The following TCF3 variants were observed in gnomAD, a reference collection of about 807,000 sequenced individuals.
TCF3 encodes transcription factor 3.
In TCF3, 54 loss-of-function variants were observed where a neutral mutation model predicts 72.3. The observed-to-expected ratio is 0.75, with a 90% CI of 0.60 to 0.94. The LOEUF (loss-of-function observed/expected upper bound fraction) is 0.94. Ranked by LOEUF, TCF3 falls within the 40% of genes least tolerant of loss-of-function variation. The probability of loss-of-function intolerance (pLI) is 0.00; values close to 1 mark genes in which losing one functional copy is unlikely to be tolerated. For missense variants in TCF3, 1,078 were observed against 934.4 expected, an observed-to-expected ratio of 1.15 and a Z score of -2.00; for synonymous variants, 525 against 412.6, an observed-to-expected ratio of 1.27 and a Z score of -3.30.
rs1355057011 is a variant in TCF3 at position 1,629,620 on chromosome 19, C to T, written c.299-2194G>A. On this transcript the variant is annotated intron_variant, in intron 5 of 18. Coordinates refer to ENST00000262965, the MANE Select transcript of TCF3 (RefSeq NM_003200.5). Reference sequence around the variant, plus strand: ...CAGTGTGGAGGGCCTGGGGCTGATGCGGTGACACCTGGATCCAGCCTTGCC... The same window carrying T: ...CAGTGTGGAGGGCCTGGGGCTGATGTGGTGACACCTGGATCCAGCCTTGCC... Among the ~76,000 whole-genome samples, 6 of 152,202 alleles carry T rather than the reference C, an allele frequency of 3.9e-5. No individual in the cohort carries two copies. In the East Asian group the frequency reaches 1.2e-3, roughly 29 times the overall value.
At chr19:1,631,995 C>T (rs1352366706) in intron 5 of TCF3, 43 bp downstream of exon 5, 2 of 1,600,518 alleles carry the variant, frequency 1.2e-6, no homozygotes, top group East Asian at 2.3e-5. Flanking sequence ...CACGTCTGCA[C>T]ATCTGTGCAC....
chr19:1,636,173 CT>C (rs1193259057), intron 3 of TCF3, among the ~76,000 whole-genome samples: 2 of 151,572 alleles, frequency 1.3e-5, no homozygotes, highest in Non-Finnish European at 2.9e-5. Context: ...TTTTTTTTTT[CT>C]TTTGCTTTGA....
intron 3 of TCF3, among the ~76,000 whole-genome samples, chr19:1,637,923 A>C (rs923780876): frequency 1.3e-5 from 2 of 152,142 alleles, no homozygotes; most frequent in African/African-American, 4.8e-5. Flanking sequence ...AAAAAAGAAA[A>C]AGAAAAAGAG....
intron 3 of TCF3, among the ~76,000 whole-genome samples, chr19:1,638,659 A>C (rs1321567437): frequency 6.6e-6 from 1 of 152,186 alleles, no homozygotes; most frequent in Non-Finnish European, 1.5e-5. Context: ...GGACGTTGAG[A>C]GCGCGAGAAA....
At chr19:1,635,317 G>T (rs1400976560) in intron 3 of TCF3, among the ~76,000 whole-genome samples, 1 of 152,196 alleles carries the variant, frequency 6.6e-6, no homozygotes. Flanking sequence ...CCCAGTCCCT[G>T]CAGCAGCTTC....
At chr19:1,632,688 C>A (rs560247292) in intron 3 of TCF3, among the ~76,000 whole-genome samples, 4 of 152,142 alleles carry the variant, frequency 2.6e-5, no homozygotes, top group South Asian at 4.1e-4. Context: ...AGCTTTCATA[C>A]CCTCCTTGGG....
At chr19:1,638,081 G>C (rs1441703132) in intron 3 of TCF3, among the ~76,000 whole-genome samples, 2 of 152,228 alleles carry the variant, frequency 1.3e-5, no homozygotes, top group Admixed American at 1.3e-4. Context: ...ATGGAATGAA[G>C]TAGACAGTGA....
intron 6 of TCF3, 150 bp downstream of exon 6, chr19:1,627,209 C>CA (rs2062992737): frequency 6.2e-6 from 3 of 480,400 alleles, no homozygotes; most frequent in South Asian, 2.2e-5. Context: ...CACACCCACC[C>CA]AGCCCACCCT....
Position 1,611,742 on chromosome 19 carries a change from G to C in TCF3, c.1930C>G (p.Leu644Val), listed in dbSNP as rs867262873. ...CCGGCGGGGTTGTGGGCTTCGCTCA[G>C]GCCTGGGTGGGGAGCTGAAAGCACC... ...QMVLSAPHPG[L>V]SEAHNPAGHM The change falls in exon 19 of 19, where the codon CTG (leucine) becomes GTG (valine). Residue 644 changes from leucine to valine, a missense_variant. By Grantham distance (32) the Leu-to-Val change is conservative. Transcript: ENST00000262965. 3 of 1,613,702 alleles carry C rather than the reference G, an allele frequency of 1.9e-6. No individual in the cohort carries two copies. In the African/African-American group the frequency reaches 4.0e-5, roughly 22 times the overall value.
intron 1 of TCF3, chr19:1,651,333 G>A (rs1411937483): frequency 4.4e-6 from 1 of 228,146 alleles, no homozygotes. Flanking sequence ...CCCAACTTCA[G>A]AAGCAGAGAA....
At chr19:1,624,053 T>C (rs543106812) in intron 7 of TCF3, 53 bp from the exon 8 acceptor site, 3 of 1,573,328 alleles carry the variant, frequency 1.9e-6, no homozygotes, top group African/African-American at 1.4e-5. Context: ...GAACAACCCC[T>C]GCCCTACACC....
intron 18 of TCF3, among the ~76,000 whole-genome samples, chr19:1,613,816 G>A (rs1428613738): frequency 1.3e-5 from 2 of 152,220 alleles, no homozygotes; most frequent in Admixed American, 6.5e-5. Context: ...CCCTGGCTGG[G>A]AAGGCCAGCT....
rs770886833 is a variant in TCF3 at position 1,609,526 on chromosome 19, G to C, written c.*2181C>G. 9.2e-6 allele frequency: 2 copies of C among 218,320 alleles called. No homozygotes were observed. The highest frequency in any genetic ancestry group is 2.3e-5 in the African/African-American group (1 of 43,982). The allele number at this position is 218,320 out of a possible 1,614,324, so 13.5% of individuals were successfully genotyped here. A position where few individuals can be genotyped will look rare whatever the true frequency, so the allele number is the denominator to read the frequency against. On this transcript the variant is annotated 3_prime_UTR_variant, in exon 19 of 19. Transcript: ENST00000262965. ...GGAACTGCTGTTTCTTCCTCCTCGCGCTGGGTGAATCTCGTTTGAATTCTA... is the reference window on the plus strand; with the variant it reads ...GGAACTGCTGTTTCTTCCTCCTCGCCCTGGGTGAATCTCGTTTGAATTCTA...
intron 12 of TCF3, 41 bp downstream of exon 12, chr19:1,621,092 C>T: frequency 6.6e-7 from 1 of 1,522,092 alleles, no homozygotes; most frequent in South Asian, 1.2e-5. Flanking sequence ...GCCGGCCTCT[C>T]AGGTCACTTG....
chr19:1,619,507 C>T, intron 14 of TCF3, 33 bp from the exon 15 acceptor site: 1 of 1,547,738 alleles, frequency 6.5e-7, no homozygotes, highest in Non-Finnish European at 8.7e-7. Flanking sequence ...GTGAGGGGCC[C>T]AAGCCGAGGG....
chr19:1,626,786 C>T (rs987719950), intron 6 of TCF3, among the ~76,000 whole-genome samples: 1 of 152,214 alleles, frequency 6.6e-6, no homozygotes, highest in African/African-American at 2.4e-5. Context: ...ACTATGGCTA[C>T]TGTTGCTCTG....
chr19:1,646,412 C>T lies in TCF3; in HGVS notation c.88G>A (p.Val30Ile), dbSNP rs1302623959. The change falls in exon 3 of 19, where the codon GTC becomes ATC. Residue 30 changes from valine (V) to isoleucine (I), a missense_variant. Transcript: ENST00000262965. Reference sequence around the variant, plus strand: ...GCGGGCCGGCCCTTCCCGTTGGTGACAGGCAGCGGGAACATCTGCAGGGAG... The same window carrying T: ...GCGGGCCGGCCCTTCCCGTTGGTGATAGGCAGCGGGAACATCTGCAGGGAG... ...LDFSMMFPLP[V>I]TNGKGRPASL... 1 of 1,550,198 alleles carries T rather than the reference C, an allele frequency of 6.5e-7. No homozygotes were observed.
At chr19:1,629,341 G>A (rs1295753712) in intron 5 of TCF3, among the ~76,000 whole-genome samples, 1 of 151,024 alleles carries the variant, frequency 6.6e-6, no homozygotes, top group African/African-American at 2.5e-5. Flanking sequence ...CCCCCAAAGT[G>A]CCCAGCATTC....
intron 7 of TCF3, among the ~76,000 whole-genome samples, 164 bp downstream of exon 7, chr19:1,625,412 G>A (rs1364616991): frequency 3.9e-5 from 6 of 152,274 alleles, no homozygotes; most frequent in Admixed American, 6.5e-5. Flanking sequence ...TCGACCCCCC[G>A]TCACCGTCCA....
Sources: allele counts gnomAD v4.1 joint callset (sites outside exome capture counted in the v4.1 genomes callset), GRCh38; gene constraint gnomAD v4.1.1; transcripts MANE v1.5; gene names NCBI Gene and HGNC (gene_info 2026-07-23, HGNC 2026-07-21).